GAS2: variants seen among roughly 807,000 people sequenced by gnomAD.
GAS2 encodes growth arrest specific 2.
A neutral mutation model predicts 37.5 loss-of-function variants in GAS2; 20 were observed. The observed-to-expected ratio is 0.53, with a 90% confidence interval of 0.37 to 0.77. The LOEUF is 0.77. Among genes scored for constraint, GAS2 ranks in the 30% least tolerant of loss-of-function variants. The probability of loss-of-function intolerance (pLI) is 0.00; values close to 1 mark genes in which losing one functional copy is unlikely to be tolerated. For missense variants in GAS2, 336 were observed against 373.4 expected (o/e 0.90, Z 0.82); for synonymous variants, 144 against 132.2 (o/e 1.09, Z -0.61).
At chr11:22,774,732 A>T (rs1209082314) in intron 7 of GAS2, among the ~76,000 whole-genome samples, 1 of 152,094 alleles carries the variant, frequency 6.6e-6, no homozygotes, top group Non-Finnish European at 1.5e-5. Context: ...CTTCTGGTTA[A>T]ATTTGGGGTT....
intron 3 of GAS2, among the ~76,000 whole-genome samples, chr11:22,721,335 C>G (rs574644176): frequency 6.6e-6 from 1 of 152,110 alleles, no homozygotes; most frequent in African/African-American, 2.4e-5. Context: ...TATTACAACA[C>G]TATAAATAGA....
intron 4 of GAS2, among the ~76,000 whole-genome samples, chr11:22,728,413 G>T (rs540105867): frequency 6.6e-6 from 1 of 151,558 alleles, no homozygotes; most frequent in South Asian, 2.1e-4. Context: ...AATGACCCTG[G>T]TATATAAATG....
intron 5 of GAS2, among the ~76,000 whole-genome samples, chr11:22,746,098 C>G (rs1853387029): frequency 6.6e-6 from 1 of 152,180 alleles, no homozygotes; most frequent in African/African-American, 2.4e-5. Flanking sequence ...TGGAGGATCA[C>G]TTGAGCCCAG....
intron 3 of GAS2, among the ~76,000 whole-genome samples, chr11:22,698,561 A>C (rs1190382072): frequency 6.6e-6 from 1 of 150,430 alleles, no homozygotes; most frequent in Non-Finnish European, 1.5e-5. Flanking sequence ...GCAGAGACAC[A>C]ACCAAAAAAG....
At chr11:22,669,554 G>C (rs1849121111) in intron 1 of GAS2, among the ~76,000 whole-genome samples, 1 of 152,096 alleles carries the variant, frequency 6.6e-6, no homozygotes, top group South Asian at 2.1e-4. Flanking sequence ...CTCTAAAAGA[G>C]AGTCAGCACT....
At chr11:22,703,488 T>C (rs1048706697) in intron 3 of GAS2, among the ~76,000 whole-genome samples, 1 of 152,114 alleles carries the variant, frequency 6.6e-6, no homozygotes, top group Non-Finnish European at 1.5e-5. Context: ...CAATAATGAA[T>C]ATGTATGCTA....
intron 3 of GAS2, among the ~76,000 whole-genome samples, chr11:22,693,414 A>C (rs2133981193): frequency 6.6e-6 from 1 of 152,264 alleles, no homozygotes; most frequent in African/African-American, 2.4e-5. Context: ...ACTGTTTCCA[A>C]GTCATGTCAA....
At chr11:22,741,655 T>TTTA (rs1179109889) in intron 5 of GAS2, among the ~76,000 whole-genome samples, 1 of 152,136 alleles carries the variant, frequency 6.6e-6, no homozygotes, top group East Asian at 1.9e-4. Context: ...GAAATGTTAC[T>TTTA]TAAAAGAAAA....
intron 3 of GAS2, chr11:22,702,088 T>A (rs990497801): frequency 2.0e-5 from 3 of 152,206 alleles, no homozygotes; most frequent in African/African-American, 7.2e-5. Context: ...TGCATTGCAA[T>A]GTCTAAAGTG....
In GAS2 at chr11:22,659,704, A is replaced by G. The variant is rs149796001; in HGVS notation, c.-20-15146A>G. ...TTTCAAAAATGATTTTTTTTCTCAA[A>G]TAATTTTATTATCACATTTTAACTT... On this transcript the variant is annotated intron_variant, in intron 1 of 5. Transcript: ENST00000528582. Among the ~76,000 whole-genome samples, 39 of 152,268 alleles carry G rather than the reference A, an allele frequency of 2.6e-4. No individual in the cohort carries two copies. In the East Asian group the frequency reaches 4.1e-3, roughly 16 times the overall value.
intron 3 of GAS2, among the ~76,000 whole-genome samples, chr11:22,688,890 A>G (rs1307340010): frequency 6.6e-6 from 1 of 152,172 alleles, no homozygotes; most frequent in Non-Finnish European, 1.5e-5. Flanking sequence ...AAATCAACCT[A>G]GATACTCATC....
intron 2 of GAS2, among the ~76,000 whole-genome samples, chr11:22,677,293 C>T (rs1193552070): frequency 6.6e-6 from 1 of 151,940 alleles, no homozygotes; most frequent in African/African-American, 2.4e-5. Flanking sequence ...GGGGTAAGAG[C>T]CTTTGCGAGG....
At chr11:22,671,348 T>C (rs1305739662) in intron 1 of GAS2, among the ~76,000 whole-genome samples, 1 of 152,108 alleles carries the variant, frequency 6.6e-6, no homozygotes, top group Non-Finnish European at 1.5e-5. Flanking sequence ...CGAGAAAGCT[T>C]GGAGGAGCCA....
intron 3 of GAS2, among the ~76,000 whole-genome samples, chr11:22,712,444 G>A (rs1027018424): frequency 8.5e-5 from 13 of 152,126 alleles, no homozygotes; most frequent in African/African-American, 4.8e-5. Context: ...GATCCAGAAG[G>A]GTAATAACAG....
At chr11:22,679,037 A>G (rs1849558637) in intron 2 of GAS2, among the ~76,000 whole-genome samples, 1 of 152,060 alleles carries the variant, frequency 6.6e-6, no homozygotes, top group African/African-American at 2.4e-5. Context: ...ATAAGTGGTT[A>G]ATAGTAGCTG....
chr11:22,715,791 C>G (rs563052350), intron 3 of GAS2, among the ~76,000 whole-genome samples: 2 of 151,976 alleles, frequency 1.3e-5, no homozygotes, highest in African/African-American at 4.8e-5. Context: ...TGGTACCAAT[C>G]CTGCTGAAAC....
At chr11:22,736,044 T>C (rs1852739215) in intron 4 of GAS2, among the ~76,000 whole-genome samples, 1 of 151,588 alleles carries the variant, frequency 6.6e-6, no homozygotes, top group South Asian at 2.1e-4. Context: ...AAATTGATGA[T>C]CTATACAGGA....
chr11:22,697,529 T>C, intron 3 of GAS2, among the ~76,000 whole-genome samples: 1 of 152,242 alleles, frequency 6.6e-6, no homozygotes, highest in Non-Finnish European at 1.5e-5. Context: ...ATAAATTACC[T>C]TGGGCAGTAT....
chr11:22,672,549 G>A (rs2133877549), intron 1 of GAS2: 1 of 152,246 alleles, frequency 6.6e-6, no homozygotes, highest in East Asian at 1.9e-4. Flanking sequence ...ATAGGACTCT[G>A]ATGCTTAAAT....
Sources: allele counts gnomAD v4.1 joint callset (sites outside exome capture counted in the v4.1 genomes callset), GRCh38; gene constraint gnomAD v4.1.1; transcripts MANE v1.5; gene names NCBI Gene and HGNC (gene_info 2026-07-23, HGNC 2026-07-21).